The following RNF111 variants were observed in gnomAD, a reference collection of about 807,000 sequenced individuals.
RNF111 encodes E3 ubiquitin-protein ligase Arkadia.
RNF111 carries 17 observed loss-of-function variants against 95.1 expected under a neutral mutation model. The ratio of observed to expected loss-of-function variants is 0.18; its 90% CI spans 0.12 to 0.27. The LOEUF is 0.27. Ranked by LOEUF, RNF111 falls within the 10% of genes least tolerant of loss-of-function variation. The pLI is 1.00. For missense variants in RNF111, 1,189 were observed against 1,210.4 expected, an observed-to-expected ratio of 0.98 and a Z score of 0.26; for synonymous variants, 440 against 414.8, an observed-to-expected ratio of 1.06 and a Z score of -0.74.
intron 1 of RNF111, among the ~76,000 whole-genome samples, chr15:58,999,103 A>G (rs180821053): frequency 5.1e-4 from 77 of 152,332 alleles, no homozygotes; most frequent in Admixed American, 8.5e-4. Flanking sequence ...AGGTTATTAA[A>G]TATACTACTC....
chr15:59,027,793 A>C (rs1203460505), intron 1 of RNF111, among the ~76,000 whole-genome samples: 1 of 151,308 alleles, frequency 6.6e-6, no homozygotes, highest in Non-Finnish European at 1.5e-5. Flanking sequence ...TCAGCCTCCC[A>C]AAGTGGTGGG....
intron 1 of RNF111, among the ~76,000 whole-genome samples, chr15:59,003,483 C>T (rs772900579): frequency 9.9e-5 from 15 of 152,194 alleles, no homozygotes; most frequent in Non-Finnish European, 2.2e-4. Flanking sequence ...ACTGCAACCT[C>T]CACCTCCTAG....
chr15:59,016,899 T>C (rs1234690060), intron 1 of RNF111, among the ~76,000 whole-genome samples: 3 of 151,994 alleles, frequency 2.0e-5, no homozygotes, highest in South Asian at 2.1e-4. Context: ...TGTAGGAGCA[T>C]GAACCCTATT....
intron 1 of RNF111, among the ~76,000 whole-genome samples, chr15:58,993,820 G>A (rs1693532): frequency 0.61 from 92,279 of 151,784 alleles, 29,533 homozygotes; most frequent in South Asian, 0.78. Context: ...GGGCATACAC[G>A]ATTAGCATCT....
chr15:59,042,705 T>C (rs1229365066), intron 2 of RNF111, among the ~76,000 whole-genome samples: 1 of 152,240 alleles, frequency 6.6e-6, no homozygotes. Context: ...ACTTGAGATA[T>C]GCTACCTTTG....
At chr15:59,048,601 CAT>C (rs1566909316) in intron 2 of RNF111, among the ~76,000 whole-genome samples, 1 of 151,892 alleles carries the variant, frequency 6.6e-6, no homozygotes, top group East Asian at 1.9e-4. Context: ...TTTTTACACT[CAT>C]TATGTGAAAA....
At chr15:59,017,195 C>G (rs2040109845) in intron 1 of RNF111, among the ~76,000 whole-genome samples, 1 of 151,718 alleles carries the variant, frequency 6.6e-6, no homozygotes, top group African/African-American at 2.4e-5. Flanking sequence ...GAATCCGTTC[C>G]CTGGTGCCAA....
At chr15:59,085,628 G>A in intron 9 of RNF111, 31 bp from the exon 10 acceptor site, 2 of 1,601,352 alleles carry the variant, frequency 1.2e-6, no homozygotes, top group Non-Finnish European at 1.7e-6. Context: ...AGACCCTAAG[G>A]AGGATTAAAC....
rs186225504 is a variant in RNF111, at chr15:59,004,168, T to C, written c.-20+16100T>C. Reference sequence around the variant, plus strand: ...ATAGATGGCAGTTCTGGATTAGCAGTTTTAAGGTCTCAACTTTGTTTTTAG... The same window carrying C: ...ATAGATGGCAGTTCTGGATTAGCAGCTTTAAGGTCTCAACTTTGTTTTTAG... On this transcript the variant is annotated intron_variant, in intron 1 of 13. Transcript: ENST00000348370. The C allele has an allele frequency of 2.3e-5, 28 of 1,198,844 alleles. No individual in the cohort carries two copies. The Admixed American group carries it at 3.5e-4, about 15-fold the overall frequency. The allele number at this position is 1,198,844 out of a possible 1,614,324, so 74.3% of individuals were successfully genotyped here.
chr15:59,009,676 C>A (rs1214125589), intron 1 of RNF111, among the ~76,000 whole-genome samples: 1 of 151,872 alleles, frequency 6.6e-6, no homozygotes, highest in South Asian at 2.1e-4. Flanking sequence ...ATTCAGTGGC[C>A]GGGCACAGTG....
At chr15:59,090,533 G>A (rs1297085953) in intron 11 of RNF111, among the ~76,000 whole-genome samples, 5 of 152,060 alleles carry the variant, frequency 3.3e-5, no homozygotes, top group African/African-American at 7.2e-5. Context: ...CCCGGCCCCC[G>A]TTGTGTTTTT....
intron 1 of RNF111, among the ~76,000 whole-genome samples, chr15:58,988,847 T>C (rs1328663957): frequency 6.6e-6 from 1 of 152,246 alleles, no homozygotes; most frequent in East Asian, 1.9e-4. Context: ...TGTGCGGCAT[T>C]AATTTAGAAT....
chr15:59,037,636 A>G (rs2141833619), intron 2 of RNF111, among the ~76,000 whole-genome samples: 1 of 152,296 alleles, frequency 6.6e-6, no homozygotes, highest in South Asian at 2.1e-4. Context: ...CTGGAGTTCG[A>G]GACCAGCCTG....
chr15:59,052,156 C>T lies in RNF111; in HGVS notation c.881-149C>T, dbSNP rs114422424. The T allele has an allele frequency of 1.2e-3, 747 of 614,832 alleles. 6 individuals carry two copies. In the African/African-American group the frequency reaches 0.013, roughly 11 times the overall value. The allele number at this position is 614,832 out of a possible 1,614,324, so 38.1% of individuals were successfully genotyped here. ...TTTTTACTGTGTGTGTTTTTTGTTC[C>T]TTGTGTATTTTTTTAAAAAACCTTT... On this transcript the variant is annotated intron_variant, in intron 2 of 13. Transcript: ENST00000348370.
intron 1 of RNF111, among the ~76,000 whole-genome samples, chr15:59,027,117 G>A (rs1306621797): frequency 6.6e-6 from 1 of 152,130 alleles, no homozygotes; most frequent in Non-Finnish European, 1.5e-5. Context: ...AATTTGTCTG[G>A]TTTTTGGCAA....
In RNF111 at chr15:59,045,469, G is replaced by A. The variant is rs139925971; in HGVS notation, c.881-6836G>A. On this transcript the variant is annotated intron_variant, in intron 2 of 13. Coordinates refer to ENST00000348370, the MANE Select transcript of RNF111 (RefSeq NM_017610.8). ...CTCCCAAAGTGCTGGGATTACAGGC[G>A]TGAGACACTGCGCCCGGCCTTAGTT... is the stretch of plus-strand genomic sequence containing the variant. Among the ~76,000 whole-genome samples, 448 of 152,210 alleles carry A rather than the reference G, an allele frequency of 2.9e-3. 4 individuals are homozygous for A. Among genetic ancestry groups the A allele is most frequent in the Middle Eastern group, 6.8e-3 (2 of 294 alleles).
rs2079171734 is a variant in RNF111 at position 59,096,030 on chromosome 15, T to C, written c.*1130T>C. On this transcript the variant is annotated 3_prime_UTR_variant, in exon 14 of 14. Coordinates refer to ENST00000348370, the MANE Select transcript of RNF111 (RefSeq NM_017610.8). Reference sequence around the variant, plus strand: ...TGCAGATACTGTGAGGCACAAATTATACTGTCAACCTACTGTTGCTATGGT... The same window carrying C: ...TGCAGATACTGTGAGGCACAAATTACACTGTCAACCTACTGTTGCTATGGT... 1 of 398,564 alleles carries C rather than the reference T, an allele frequency of 2.5e-6. No homozygotes were observed. The highest frequency in any genetic ancestry group is 4.4e-6 in the Non-Finnish European group (1 of 225,864). 24.7% of individuals were successfully genotyped at this position (398,564 alleles called of 1,614,324 possible). A position where few individuals can be genotyped will look rare whatever the true frequency, so the allele number is the denominator to read the frequency against.
Position 59,081,237 on chromosome 15 carries a change from G to A in RNF111, c.2250G>A (p.Val750=). 11 of 1,614,116 alleles carry A rather than the reference G, an allele frequency of 6.8e-6. No homozygotes were observed. Among genetic ancestry groups the A allele is most frequent in the South Asian group, 1.1e-5 (1 of 91,014 alleles). The change falls in exon 8 of 14, where the codon GTG becomes GTA. Residue 750 remains valine (V), a synonymous_variant. Transcript: ENST00000348370. The part of the protein sequence containing the change: ...PPAQRLHPHE[V]MQRMEVQRRR... ...CACAGAGACTGCATCCTCATGAAGT[G>A]ATGCAGAGGATGGAAGTTCAAAGGA...
At chr15:59,055,074 T>G (rs1364801002) in intron 3 of RNF111, among the ~76,000 whole-genome samples, 1 of 152,212 alleles carries the variant, frequency 6.6e-6, no homozygotes, top group Non-Finnish European at 1.5e-5. Flanking sequence ...ATGTTTAGGG[T>G]TCACAGTCAC....
Sources: allele counts gnomAD v4.1 joint callset (sites outside exome capture counted in the v4.1 genomes callset), GRCh38; gene constraint gnomAD v4.1.1; transcripts MANE v1.5; gene names NCBI Gene and HGNC (gene_info 2026-07-23, HGNC 2026-07-21).